RDX: variants seen among roughly 807,000 people sequenced by gnomAD.
RDX encodes radixin, also known as deafness, autosomal recessive 24.
In RDX, 32 loss-of-function variants were observed where a neutral mutation model predicts 83.7. The ratio of observed to expected loss-of-function variants is 0.38; its 90% confidence interval spans 0.29 to 0.51. The LOEUF is 0.51. Among genes scored for constraint, RDX ranks in the 20% least tolerant of loss-of-function variants. The pLI is 0.87. For missense variants in RDX, 600 were observed against 689.9 expected (o/e 0.87, Z 1.46); for synonymous variants, 229 against 222.7 (o/e 1.03, Z -0.25).
chr11:110,226,035 C>A (rs1351538426), downstream of RDX, among the ~76,000 whole-genome samples: 5 of 141,314 alleles, frequency 3.5e-5, no homozygotes, highest in Admixed American at 3.0e-4. Context: ...CACTGCACTC[C>A]AGCCTGGGCA....
intron 7 of RDX, 68 bp downstream of exon 7, chr11:110,257,699 G>A: frequency 6.6e-7 from 1 of 1,508,244 alleles, no homozygotes; most frequent in East Asian, 2.3e-5. Context: ...TTGAAAAACA[G>A]GACATAAGAT....
At chr11:110,209,041 G>C (rs1418616702) in intron 14 of RDX, among the ~76,000 whole-genome samples, 1 of 152,234 alleles carries the variant, frequency 6.6e-6, no homozygotes, top group Non-Finnish European at 1.5e-5. Context: ...GAGCGACGCA[G>C]AAGACGGGTG....
At chr11:110,252,075 C>T (rs1042232875) in intron 9 of RDX, among the ~76,000 whole-genome samples, 5 of 152,288 alleles carry the variant, frequency 3.3e-5, no homozygotes, top group Admixed American at 1.3e-4. Context: ...ATAAATGACT[C>T]AGCATGCCAT....
At chr11:110,212,214 C>A (rs1183424883) in intron 14 of RDX, among the ~76,000 whole-genome samples, 1 of 152,016 alleles carries the variant, frequency 6.6e-6, no homozygotes, top group East Asian at 1.9e-4. Context: ...CACCTCTATG[C>A]AAATAAAATA....
chr11:110,243,933 A>T (rs188715119), intron 10 of RDX, among the ~76,000 whole-genome samples: 7 of 152,306 alleles, frequency 4.6e-5, no homozygotes, highest in African/African-American at 1.7e-4. Flanking sequence ...CAGTCACTTT[A>T]GAAACCAATG....
At position 110,255,437 on chromosome 11, in the gene RDX, A is replaced by T. The variant is rs974264907; in HGVS notation, c.699-52T>A. The T allele has an allele frequency of 3.0e-6, 3 of 989,806 alleles. No homozygotes were observed. The Admixed American group carries it at 5.2e-5, about 17-fold the overall frequency. 61.3% of individuals were successfully genotyped at this position (989,806 alleles called of 1,614,324 possible). ...TTAAAGGCAGGAAACAATGAATAAA[A>T]TTCCTGTTTAGGACCTAAACTGACT... On this transcript the variant is annotated intron_variant, in intron 7 of 13. Coordinates refer to ENST00000645495, the MANE Select transcript of RDX (RefSeq NM_002906.4).
chr11:110,235,610 T>C (rs1281987115), intron 12 of RDX, among the ~76,000 whole-genome samples: 1 of 152,222 alleles, frequency 6.6e-6, no homozygotes, highest in Non-Finnish European at 1.5e-5. Context: ...TGCCTTGCTG[T>C]AGCAGAGCAT....
intron 14 of RDX, among the ~76,000 whole-genome samples, chr11:110,210,413 C>CT (rs1379588466): frequency 2.3e-5 from 3 of 131,646 alleles, no homozygotes; most frequent in African/African-American, 9.1e-5. Context: ...GGAAAACACT[C>CT]TGCAGGATAT....
intron 5 of RDX, among the ~76,000 whole-genome samples, chr11:110,261,068 T>C (rs941322338): frequency 6.6e-6 from 1 of 152,240 alleles, no homozygotes; most frequent in Non-Finnish European, 1.5e-5. Flanking sequence ...TTCATTCTCA[T>C]GGTTTAATTA....
intron 1 of RDX, among the ~76,000 whole-genome samples, chr11:110,288,562 T>C (rs1346515979): frequency 6.6e-6 from 1 of 152,250 alleles, no homozygotes; most frequent in Admixed American, 6.5e-5. Flanking sequence ...TTAATGTGCT[T>C]TGAAACATCA....
At chr11:110,266,688 C>T (rs1860063154) in intron 3 of RDX, among the ~76,000 whole-genome samples, 1 of 152,010 alleles carries the variant, frequency 6.6e-6, no homozygotes, top group African/African-American at 2.4e-5. Context: ...CTGCCTCAGC[C>T]TCCTGAATGG....
At chr11:110,235,342 A>G (rs1157203591) in intron 12 of RDX, among the ~76,000 whole-genome samples, 3 of 152,266 alleles carry the variant, frequency 2.0e-5, no homozygotes, top group Admixed American at 6.5e-5. Flanking sequence ...CATGTCTCTA[A>G]AAAAATAAAA....
chr11:110,216,560 TAGAG>T (rs1324734747), intron 14 of RDX, among the ~76,000 whole-genome samples: 15 of 142,928 alleles, frequency 1.0e-4, no homozygotes, highest in Non-Finnish European at 2.1e-4. Flanking sequence ...TTTTTTTAAA[TAGAG>T]AGGAGGTCTC....
intron 15 of RDX, among the ~76,000 whole-genome samples, chr11:110,189,262 A>AAAAAAAAAAAAAAAAAAAAAAC (rs1863057073): frequency 6.9e-6 from 1 of 145,910 alleles, no homozygotes; most frequent in Non-Finnish European, 1.5e-5. Flanking sequence ...AAAAAAAAAA[A>AAAAAAAAAAAAAAAAAAAAAAC]AAAAAAGACA....
chr11:110,215,454 T>C (rs895116786), intron 14 of RDX, among the ~76,000 whole-genome samples: 1 of 151,992 alleles, frequency 6.6e-6, no homozygotes, highest in Non-Finnish European at 1.5e-5. Context: ...GTAAATCATA[T>C]ATTTCAACTT....
intron 1 of RDX, 23 bp downstream of exon 1, chr11:110,296,444 G>C (rs1861467962): frequency 6.6e-6 from 1 of 151,500 alleles, no homozygotes; most frequent in Non-Finnish European, 1.5e-5. Context: ...GGGAGTGGGG[G>C]AAGGGAGGGC....
At chr11:110,224,949 T>C (rs1565300793), downstream of RDX, among the ~76,000 whole-genome samples, 2 of 152,206 alleles carry the variant, frequency 1.3e-5, no homozygotes, top group African/African-American at 2.4e-5. Flanking sequence ...TCTGTAGCTG[T>C]GCCTTCCCAA....
chr11:110,199,678 C>A (rs1863327914), exon 15 of RDX: 1 of 702,886 alleles, frequency 1.4e-6, no homozygotes, highest in African/African-American at 1.7e-5. Flanking sequence ...TGGGTCCCCA[C>A]CTTTCAAAAG....
At position 110,271,987 on chromosome 11, in the gene RDX, A is replaced by G. The variant is rs922190330; in HGVS notation, c.96+549T>C. ...AAACTCAGTATGCATAAAATTATTTAAAGGATTTTATAAAATTACCTTCAG... is the reference window on the plus strand; with the variant it reads ...AAACTCAGTATGCATAAAATTATTTGAAGGATTTTATAAAATTACCTTCAG... On this transcript the variant is annotated intron_variant, in intron 3 of 13. Coordinates refer to ENST00000645495, the MANE Select transcript of RDX (RefSeq NM_002906.4). Among the ~76,000 whole-genome samples the G allele has an allele frequency of 4.3e-4, 65 of 152,238 alleles. 1 individual carries two copies. Among genetic ancestry groups the G allele is most frequent in the African/African-American group, 1.5e-3 (63 of 41,458 alleles).
Sources: gnomAD v4.1 joint callset for allele counts (sites outside exome capture counted in the v4.1 genomes callset) on GRCh38, gnomAD v4.1.1 for gene constraint, MANE v1.5 for transcripts, NCBI Gene and HGNC (gene_info 2026-07-23, HGNC 2026-07-21) for gene names.